The following MMP16 variants were observed in gnomAD, a reference collection of about 807,000 sequenced individuals.
The protein encoded by MMP16 is matrix metallopeptidase 16, also known as matrix metalloproteinase-16.
Under a neutral mutation model 67.8 loss-of-function variants are expected in MMP16, and 12 were observed. That is an observed-to-expected ratio of 0.18 (90% CI 0.11 to 0.29). MMP16 has a LOEUF of 0.29. Among genes scored for constraint, MMP16 ranks in the 10% least tolerant of loss-of-function variants. The probability of loss-of-function intolerance (pLI) is 1.00; values close to 1 mark genes in which losing one functional copy is unlikely to be tolerated. For synonymous variants in MMP16, 249 were observed against 255.9 expected, an observed-to-expected ratio of 0.97 and a Z score of 0.26; for missense variants, 475 against 765.7, an observed-to-expected ratio of 0.62 and a Z score of 4.48.
intron 1 of MMP16, among the ~76,000 whole-genome samples, chr8:88,271,241 T>C (rs1810557698): frequency 1.3e-5 from 2 of 152,210 alleles, no homozygotes; most frequent in African/African-American, 2.4e-5. Context: ...CTTCAATTAC[T>C]TATGACCTGG....
chr8:88,147,047 T>G (rs1285400504), intron 4 of MMP16, among the ~76,000 whole-genome samples: 4 of 152,048 alleles, frequency 2.6e-5, no homozygotes, highest in Non-Finnish European at 4.4e-5. Context: ...AACTTTACTT[T>G]GTAAGTGGCA....
At chr8:88,134,687 T>C (rs1231154545) in intron 4 of MMP16, among the ~76,000 whole-genome samples, 2 of 151,808 alleles carry the variant, frequency 1.3e-5, no homozygotes, top group African/African-American at 2.4e-5. Flanking sequence ...AGAGACAATG[T>C]TGCTGTTTCC....
chr8:88,074,535 T>G, intron 7 of MMP16, 70 bp downstream of exon 7: 1 of 1,406,620 alleles, frequency 7.1e-7, no homozygotes, highest in Non-Finnish European at 9.6e-7. Context: ...TCATCACTTT[T>G]GTGTGCACCA....
At chr8:88,263,062 T>G (rs1018769769) in intron 1 of MMP16, among the ~76,000 whole-genome samples, 1 of 71,234 alleles carries the variant, frequency 1.4e-5, no homozygotes, top group African/African-American at 8.9e-5. Context: ...TAAAAAAAGT[T>G]TTTTTTAATT....
intron 1 of MMP16, among the ~76,000 whole-genome samples, chr8:88,289,754 C>T (rs1049043255): frequency 2.7e-5 from 4 of 150,444 alleles, no homozygotes; most frequent in Non-Finnish European, 5.9e-5. Flanking sequence ...ATCTTAAATA[C>T]CCAAAACAAC....
At chr8:88,199,167 G>A (rs1347172035) in intron 1 of MMP16, among the ~76,000 whole-genome samples, 1 of 151,978 alleles carries the variant, frequency 6.6e-6, no homozygotes, top group Non-Finnish European at 1.5e-5. Context: ...AGGCAATTAT[G>A]TTTATGAGGA....
rs1273232972 is a variant in MMP16, at chr8:88,261,568, A to G, written c.133-64262T>C. ...CATATATTTTCCACCCAGTCACTCA[A>G]TTAAAACTCCTCCCCTTCAGACTCT... On this transcript the variant is annotated intron_variant, in intron 1 of 9. Transcript: ENST00000286614. Among the ~76,000 whole-genome samples the G allele has an allele frequency of 3.9e-5, 6 of 151,930 alleles. No homozygotes were observed. The East Asian group carries it at 7.7e-4, about 20-fold the overall frequency.
At chr8:88,254,303 A>C (rs1810269978) in intron 1 of MMP16, among the ~76,000 whole-genome samples, 1 of 152,074 alleles carries the variant, frequency 6.6e-6, no homozygotes, top group Non-Finnish European at 1.5e-5. Flanking sequence ...ACACAGGCCT[A>C]TCAGAGAGTG....
At chr8:88,253,157 T>C (rs945038646) in intron 1 of MMP16, among the ~76,000 whole-genome samples, 3 of 151,698 alleles carry the variant, frequency 2.0e-5, no homozygotes, top group Admixed American at 2.0e-4. Context: ...GACACAGCTA[T>C]TATTATGATT....
chr8:88,274,048 A>G (rs1260332983), intron 1 of MMP16, among the ~76,000 whole-genome samples: 1 of 152,124 alleles, frequency 6.6e-6, no homozygotes, highest in Non-Finnish European at 1.5e-5. Context: ...ATGGGAAGAG[A>G]AGAAGGTATA....
chr8:88,162,987 C>T (rs1808654767), intron 4 of MMP16, among the ~76,000 whole-genome samples: 1 of 152,062 alleles, frequency 6.6e-6, no homozygotes. Context: ...TTACCTCTTT[C>T]TTTCCTCAAA....
At chr8:88,120,908 A>G (rs928178096) in intron 4 of MMP16, among the ~76,000 whole-genome samples, 1 of 151,946 alleles carries the variant, frequency 6.6e-6, no homozygotes, top group Non-Finnish European at 1.5e-5. Context: ...CCCCTTCACT[A>G]GAAAAAACAG....
chr8:88,158,373 G>A (rs1036411064), intron 4 of MMP16, among the ~76,000 whole-genome samples: 39 of 152,146 alleles, frequency 2.6e-4, no homozygotes, highest in Non-Finnish European at 3.2e-4. Context: ...TTTAAGTGGT[G>A]TGAGATGGTA....
chr8:88,057,347 G>A (rs1808344452), intron 7 of MMP16, among the ~76,000 whole-genome samples: 1 of 152,066 alleles, frequency 6.6e-6, no homozygotes, highest in South Asian at 2.1e-4. Context: ...GGCCAGGTTA[G>A]GGATGATAGT....
chr8:88,226,646 A>AT (rs1378904241), intron 1 of MMP16, among the ~76,000 whole-genome samples: 12 of 151,924 alleles, frequency 7.9e-5, no homozygotes, highest in Non-Finnish European at 1.5e-5. Flanking sequence ...CTAGGAATGT[A>AT]TTTTTCTCAT....
chr8:88,165,232 A>G (rs1808693538), intron 4 of MMP16, among the ~76,000 whole-genome samples: 1 of 151,260 alleles, frequency 6.6e-6, no homozygotes, highest in African/African-American at 2.4e-5. Context: ...AATAAAGTGT[A>G]TAGCTAAAGA....
chr8:88,044,962 C>T (rs780425562), intron 9 of MMP16, among the ~76,000 whole-genome samples: 2 of 152,148 alleles, frequency 1.3e-5, no homozygotes, highest in Non-Finnish European at 2.9e-5. Context: ...TTTATCATGA[C>T]TTCCTTTACT....
intron 1 of MMP16, among the ~76,000 whole-genome samples, chr8:88,300,024 C>T (rs1016778830): frequency 6.6e-5 from 10 of 152,116 alleles, no homozygotes; most frequent in Non-Finnish European, 1.0e-4. Context: ...ATATAAATGT[C>T]TTTCATGTGG....
At chr8:88,212,572 C>T (rs1478454464) in intron 1 of MMP16, among the ~76,000 whole-genome samples, 2 of 152,006 alleles carry the variant, frequency 1.3e-5, no homozygotes, top group Non-Finnish European at 2.9e-5. Context: ...GATAGCTATA[C>T]CCACAAAGAA....
Sources: gnomAD v4.1 joint callset for allele counts (sites outside exome capture counted in the v4.1 genomes callset) on GRCh38, gnomAD v4.1.1 for gene constraint, MANE v1.5 for transcripts, NCBI Gene and HGNC (gene_info 2026-07-23, HGNC 2026-07-21) for gene names.